The following PRDM16 variants were observed in gnomAD, a reference collection of about 807,000 sequenced individuals.
PRDM16 encodes histone-lysine N-methyltransferase PRDM16.
PRDM16 carries 23 observed loss-of-function variants against 110.6 expected under a neutral mutation model. The observed-to-expected ratio is 0.21, with a 90% CI of 0.15 to 0.29. PRDM16 has a LOEUF of 0.29. Among genes scored for constraint, PRDM16 ranks in the 10% least tolerant of loss-of-function variants. PRDM16 has a pLI of 1.00. For missense variants in PRDM16, 1,615 were observed against 1,794.3 expected, an observed-to-expected ratio of 0.90 and a Z score of 1.81; for synonymous variants, 799 against 781.8, an observed-to-expected ratio of 1.02 and a Z score of -0.37.
At chr1:3,403,029 C>G (rs1242882398) in intron 6 of PRDM16, 31 bp downstream of exon 6, 2 of 1,423,248 alleles carry the variant, frequency 1.4e-6, no homozygotes, top group South Asian at 2.6e-5. Flanking sequence ...TCTTCCTCCC[C>G]TTCCCGTACC....
At chr1:3,262,775 C>G (rs1375935500) in intron 3 of PRDM16, among the ~76,000 whole-genome samples, 1 of 152,188 alleles carries the variant, frequency 6.6e-6, no homozygotes, top group Admixed American at 6.5e-5. Flanking sequence ...GCATGGGGTC[C>G]CAGGGACGAC....
chr1:3,097,102 A>T (rs1405316331), intron 1 of PRDM16, among the ~76,000 whole-genome samples: 1 of 151,856 alleles, frequency 6.6e-6, no homozygotes, highest in Non-Finnish European at 1.5e-5. Context: ...CCAGGCCGGG[A>T]TTCTAGGGAG....
At chr1:3,432,989 C>T (rs1638807715) in intron 16 of PRDM16, among the ~76,000 whole-genome samples, 1 of 152,250 alleles carries the variant, frequency 6.6e-6, no homozygotes, top group Non-Finnish European at 1.5e-5. Flanking sequence ...AGAGGCAGCT[C>T]TTTGGTGTCC....
intron 1 of PRDM16, among the ~76,000 whole-genome samples, chr1:3,106,965 C>T (rs538700584): frequency 1.3e-5 from 2 of 152,226 alleles, no homozygotes; most frequent in East Asian, 3.8e-4. Context: ...AGGGGGCCAG[C>T]CTTTCTCTCC....
At chr1:3,183,166 C>T (rs1271755814) in intron 1 of PRDM16, among the ~76,000 whole-genome samples, 2 of 152,224 alleles carry the variant, frequency 1.3e-5, no homozygotes, top group Non-Finnish European at 2.9e-5. Flanking sequence ...ACACCTGTGT[C>T]ACAGAGGCCT....
chr1:3,190,991 G>C lies in PRDM16; in HGVS notation c.387+4517G>C, dbSNP rs74761072. Among the ~76,000 whole-genome samples, 1 of 152,090 alleles carries C rather than the reference G, an allele frequency of 6.6e-6. No homozygotes were observed. The highest frequency in any genetic ancestry group is 6.5e-5 in the Admixed American group (1 of 15,290). On this transcript the variant is annotated intron_variant, in intron 2 of 16. Coordinates refer to ENST00000270722, the MANE Select transcript of PRDM16 (RefSeq NM_022114.4). This position sits in a 1 kb window ranked among gnomAD's most constrained non-coding sequence, Gnocchi z 5.0. The stretch of plus-strand genomic sequence containing the variant: ...TTGGGGCCTGCTGGGGCGGGATCCC[G>C]CAGGACCCCCAGGGGAGGCACTGGG...
At chr1:3,186,694 G>A (rs1644272676) in intron 2 of PRDM16, 3 of 471,036 alleles carry the variant, frequency 6.4e-6, no homozygotes, top group East Asian at 3.4e-5. Context: ...TGTAGGCCAC[G>A]CCCACTCTCT....
At chr1:3,403,097 TCC>T in intron 6 of PRDM16, 99 bp downstream of exon 6, 4 of 988,686 alleles carry the variant, frequency 4.0e-6, no homozygotes, top group Non-Finnish European at 6.0e-6. Flanking sequence ...TCCCCTCCCT[TCC>T]CCCGCCTCGC....
intron 4 of PRDM16, among the ~76,000 whole-genome samples, 192 bp downstream of exon 4, chr1:3,385,478 G>A (rs916340838): frequency 3.9e-5 from 6 of 152,156 alleles, no homozygotes; most frequent in South Asian, 2.1e-4. Context: ...GACTCACCCC[G>A]GGAGGGCTCC....
Position 3,359,291 on chromosome 1 carries a change from G to A in PRDM16, c.439-25861G>A, listed in dbSNP as rs541524084. Reference sequence around the variant, plus strand: ...TAAATGCAGACTTGTTGAAGTTGCTGACCCTCCTGGCCAAGGGCAGCTGCC... The same window carrying A: ...TAAATGCAGACTTGTTGAAGTTGCTAACCCTCCTGGCCAAGGGCAGCTGCC... On this transcript the variant is annotated intron_variant, in intron 3 of 16. Transcript: ENST00000270722. This position sits in a 1 kb window ranked among gnomAD's most constrained non-coding sequence, Gnocchi z 4.3. 2.6e-5 allele frequency among the ~76,000 whole-genome samples: 4 copies of A among 152,272 alleles called. No individual in the cohort carries two copies. The South Asian group carries it at 8.3e-4, about 32-fold the overall frequency.
intron 1 of PRDM16, among the ~76,000 whole-genome samples, chr1:3,102,777 C>T (rs149140074): frequency 2.3e-3 from 348 of 152,278 alleles, no homozygotes; most frequent in African/African-American, 8.0e-3. Context: ...GGGGCCCCTG[C>T]GGAAGGGACT....
chr1:3,405,403 C>T, intron 7 of PRDM16, 92 bp from the exon 8 acceptor site: 7 of 1,378,234 alleles, frequency 5.1e-6, no homozygotes, highest in African/African-American at 1.5e-5. Flanking sequence ...CAGGCAGGGC[C>T]CTGCCCCCCA....
intron 3 of PRDM16, among the ~76,000 whole-genome samples, chr1:3,357,503 A>G (rs1024170032): frequency 2.1e-5 from 3 of 142,720 alleles, no homozygotes; most frequent in African/African-American, 9.2e-5. Context: ...TCAGGGTCAG[A>G]GCTTTCCAGA....
At chr1:3,095,864 G>A (rs1037466936) in intron 1 of PRDM16, among the ~76,000 whole-genome samples, 13 of 152,092 alleles carry the variant, frequency 8.5e-5, no homozygotes, top group African/African-American at 2.4e-4. Context: ...CTCACTGTGC[G>A]GGTCCTCATG....
intron 1 of PRDM16, among the ~76,000 whole-genome samples, chr1:3,139,680 G>C (rs1643508980): frequency 6.6e-6 from 1 of 152,264 alleles, no homozygotes; most frequent in Admixed American, 6.5e-5. Context: ...TCTCTGTGCA[G>C]AGAACTTTGT....
chr1:3,114,435 A>G (rs945998284), intron 1 of PRDM16, among the ~76,000 whole-genome samples: 6 of 130,632 alleles, frequency 4.6e-5, no homozygotes, highest in African/African-American at 2.1e-4. Flanking sequence ...CACCAGGTGT[A>G]AACAGACGCA....
chr1:3,099,592 A>G (rs1424750160), intron 1 of PRDM16, among the ~76,000 whole-genome samples: 1 of 152,202 alleles, frequency 6.6e-6, no homozygotes, highest in East Asian at 1.9e-4. Flanking sequence ...TATTCCAGGC[A>G]CATCACAGAG....
In PRDM16 at chr1:3,202,473, C is replaced by T. The variant is rs373001370; in HGVS notation, c.387+15999C>T. Among the ~76,000 whole-genome samples the T allele has an allele frequency of 2.0e-5, 3 of 152,282 alleles. No homozygotes were observed. The East Asian group carries it at 5.8e-4, about 29-fold the overall frequency. On this transcript the variant is annotated intron_variant, in intron 2 of 16. Transcript: ENST00000270722. ...TGGGTCAGGGCTCAGTCCCCTTGGTCACAGGCGACTTCAGAATCCTAGGAG... is the reference window on the plus strand; with the variant it reads ...TGGGTCAGGGCTCAGTCCCCTTGGTTACAGGCGACTTCAGAATCCTAGGAG...
At chr1:3,182,970 C>A (rs951993135) in intron 1 of PRDM16, among the ~76,000 whole-genome samples, 4 of 152,198 alleles carry the variant, frequency 2.6e-5, no homozygotes, top group Non-Finnish European at 5.9e-5. Flanking sequence ...TTCCACAGGT[C>A]TCCCCATAGA....
Sources: allele counts gnomAD v4.1 joint callset (sites outside exome capture counted in the v4.1 genomes callset), GRCh38; gene constraint gnomAD v4.1.1; non-coding constraint Gnocchi (gnomAD v3.1); transcripts MANE v1.5; gene names NCBI Gene and HGNC (gene_info 2026-07-23, HGNC 2026-07-21).